Variants in GABRG1 observed in about 807,000 individuals in gnomAD.
GABRG1 encodes gamma-aminobutyric acid type A receptor subunit gamma1.
A neutral mutation model predicts 49.8 loss-of-function variants in GABRG1; 49 were observed. The observed-to-expected ratio is 0.98, with a 90% confidence interval of 0.78 to 1.25. The LOEUF is 1.25. Ranked by LOEUF, GABRG1 falls within the 50% of genes most tolerant of loss-of-function variation. The pLI is 0.00. For synonymous variants in GABRG1, 232 were observed against 185.1 expected (o/e 1.25, Z -2.06); for missense variants, 552 against 552.3 (o/e 1.00, Z 0.01).
At position 46,077,674 on chromosome 4, in the gene GABRG1, C is replaced by T. The variant is rs543426932; in HGVS notation, c.321+6312G>A. Among the ~76,000 whole-genome samples, 271 of 151,926 alleles carry T rather than the reference C, an allele frequency of 1.8e-3. 1 individual carries two copies. Among genetic ancestry groups the T allele is most frequent in the African/African-American group, 6.3e-3 (261 of 41,518 alleles). ...CAGTCTAATTTGCATTTTTAGTCATCTTCCCTGCTAGGTTTTATGTCTTCT... is the reference window on the plus strand; with the variant it reads ...CAGTCTAATTTGCATTTTTAGTCATTTTCCCTGCTAGGTTTTATGTCTTCT... On this transcript the variant is annotated intron_variant, in intron 3 of 8. Coordinates refer to ENST00000295452, the MANE Select transcript of GABRG1 (RefSeq NM_173536.4).
At chr4:46,064,647 T>C (rs1289584383) in intron 4 of GABRG1, 124 bp from the exon 5 acceptor site, 4 of 427,280 alleles carry the variant, frequency 9.4e-6, no homozygotes, top group Admixed American at 8.5e-5. Flanking sequence ...TAGAATATAA[T>C]AATGATTCTA....
intron 3 of GABRG1, among the ~76,000 whole-genome samples, chr4:46,077,669 G>A (rs1406234485): frequency 6.6e-6 from 1 of 151,508 alleles, no homozygotes; most frequent in Non-Finnish European, 1.5e-5. Flanking sequence ...TGCATTTTTA[G>A]TCATCTTCCC....
chr4:46,092,753 GA>G (rs35964805), intron 2 of GABRG1, among the ~76,000 whole-genome samples: 3 of 151,782 alleles, frequency 2.0e-5, no homozygotes, highest in South Asian at 2.1e-4. Flanking sequence ...ACTAAAGTAT[GA>G]AAAAAAGATA....
Position 46,097,192 on chromosome 4 carries a change from C to T in GABRG1, c.253+9G>A. 6.3e-7 allele frequency: 1 copy of T among 1,593,754 alleles called. No individual in the cohort carries two copies. The highest frequency in any genetic ancestry group is 8.5e-7 in the Non-Finnish European group (1 of 1,171,094). ...TCATCAAAATCCCAGAATGGTAACTCAAGCTTACCTCCTATATCTGGACGA... is the reference window on the plus strand; with the variant it reads ...TCATCAAAATCCCAGAATGGTAACTTAAGCTTACCTCCTATATCTGGACGA... On this transcript the variant is annotated intron_variant, in intron 2 of 8. Transcript: ENST00000295452.
intron 7 of GABRG1, among the ~76,000 whole-genome samples, chr4:46,053,154 C>T (rs899131437): frequency 6.6e-6 from 1 of 151,202 alleles, no homozygotes; most frequent in Non-Finnish European, 1.5e-5. Flanking sequence ...TTTTAAATTT[C>T]CAAATATACA....
At chr4:46,088,074 A>T (rs892163994) in intron 2 of GABRG1, among the ~76,000 whole-genome samples, 1 of 152,088 alleles carries the variant, frequency 6.6e-6, no homozygotes, top group African/African-American at 2.4e-5. Flanking sequence ...GTCAATACAG[A>T]ACAACATTTC....
chr4:46,040,792 C>T lies in GABRG1; in HGVS notation c.*196G>A. ...TATTTTAACCTACTGGATTTTGCAACTAATCAGTTTCACGTAAATTAGCCT... is the reference window on the plus strand; with the variant it reads ...TATTTTAACCTACTGGATTTTGCAATTAATCAGTTTCACGTAAATTAGCCT... On this transcript the variant is annotated 3_prime_UTR_variant, in exon 9 of 9. Transcript: ENST00000295452. 2.2e-6 allele frequency: 1 copy of T among 446,424 alleles called. No individual in the cohort carries two copies. The allele number at this position is 446,424 out of a possible 1,614,324, so 27.7% of individuals were successfully genotyped here. A position where few individuals can be genotyped will look rare whatever the true frequency, so the allele number is the denominator to read the frequency against.
chr4:46,076,329 T>G (rs1719323608), intron 3 of GABRG1, among the ~76,000 whole-genome samples: 1 of 140,994 alleles, frequency 7.1e-6, no homozygotes, highest in South Asian at 2.2e-4. Context: ...CATGACAAAA[T>G]ATGAACTACC....
chr4:46,040,893 T>C lies in GABRG1; in HGVS notation c.*95A>G, dbSNP rs578214309. Reference sequence around the variant, plus strand: ...TATTCACATTTTAACCATTGGTCTCTCTGCATTTTAAATTTAAACTTCAAG... The same window carrying C: ...TATTCACATTTTAACCATTGGTCTCCCTGCATTTTAAATTTAAACTTCAAG... On this transcript the variant is annotated 3_prime_UTR_variant, in exon 9 of 9. Coordinates refer to ENST00000295452, the MANE Select transcript of GABRG1 (RefSeq NM_173536.4). 23 of 1,252,782 alleles carry C rather than the reference T, an allele frequency of 1.8e-5. No homozygotes were observed. Among genetic ancestry groups the C allele is most frequent in the Non-Finnish European group, 2.6e-5 (23 of 897,026 alleles). The allele number at this position is 1,252,782 out of a possible 1,614,324, so 77.6% of individuals were successfully genotyped here.
chr4:46,070,382 A>G (rs938848228), intron 3 of GABRG1, among the ~76,000 whole-genome samples: 3 of 152,042 alleles, frequency 2.0e-5, no homozygotes, highest in African/African-American at 4.8e-5. Context: ...CAGTTAAACT[A>G]TATAAAATAG....
intron 3 of GABRG1, among the ~76,000 whole-genome samples, chr4:46,077,627 T>C (rs1458385583): frequency 6.6e-6 from 1 of 151,940 alleles, no homozygotes; most frequent in Admixed American, 6.6e-5. Flanking sequence ...ACAGAATTTT[T>C]TTTGCCTTTT....
chr4:46,079,905 T>G (rs1295105320), intron 3 of GABRG1, among the ~76,000 whole-genome samples: 1 of 151,896 alleles, frequency 6.6e-6, no homozygotes, highest in Non-Finnish European at 1.5e-5. Flanking sequence ...TAAACTCTAG[T>G]AACATGTTCT....
intron 3 of GABRG1, among the ~76,000 whole-genome samples, chr4:46,077,026 G>A (rs370104817): frequency 1.7e-4 from 25 of 150,176 alleles, no homozygotes; most frequent in Non-Finnish European, 3.7e-4. Flanking sequence ...AACATTTAAC[G>A]GATTTCTTAA....
chr4:46,118,285 C>T (rs1429567535), intron 1 of GABRG1, among the ~76,000 whole-genome samples: 1 of 148,922 alleles, frequency 6.7e-6, no homozygotes, highest in Admixed American at 6.8e-5. Context: ...TATCTACCTA[C>T]CTATCTAGAT....
In GABRG1 at chr4:46,035,940, C is replaced by A. The variant is rs1348453662; in HGVS notation, c.*5048G>T. On this transcript the variant is annotated 3_prime_UTR_variant, in exon 9 of 9. Coordinates refer to ENST00000295452, the MANE Select transcript of GABRG1 (RefSeq NM_173536.4). ...TAACAGAAGCCATTATAATCACAAGCCATAAAACTTTATTATACAAAGTGA... is the reference window on the plus strand; with the variant it reads ...TAACAGAAGCCATTATAATCACAAGACATAAAACTTTATTATACAAAGTGA... 6.6e-6 allele frequency: 1 copy of A among 151,772 alleles called. No homozygotes were observed. The highest frequency in any genetic ancestry group is 1.5e-5 in the Non-Finnish European group (1 of 67,866). The allele number at this position is 151,772 out of a possible 1,614,324, so 9.4% of individuals were successfully genotyped here.
rs1717546692 is a variant in GABRG1, at chr4:46,036,789, G to T, written c.*4199C>A. 1 of 151,976 alleles carries T rather than the reference G, an allele frequency of 6.6e-6. No homozygotes were observed. The highest frequency in any genetic ancestry group is 2.4e-5 in the African/African-American group (1 of 41,422). The allele number at this position is 151,976 out of a possible 1,614,324, so 9.4% of individuals were successfully genotyped here. Reference sequence around the variant, plus strand: ...ACACAAATAAGATGAAACTTCTGCAGAAATTTTAATAATGTATCTTTTGTA... The same window carrying T: ...ACACAAATAAGATGAAACTTCTGCATAAATTTTAATAATGTATCTTTTGTA... On this transcript the variant is annotated 3_prime_UTR_variant, in exon 9 of 9. Transcript: ENST00000295452.
chr4:46,047,900 T>C lies in GABRG1; in HGVS notation c.1131+3524A>G, dbSNP rs139734672. On this transcript the variant is annotated intron_variant, in intron 8 of 8. Transcript: ENST00000295452. ...CTGAAAGCAAAGAACACATTCTATC[T>C]CTTTTTTGTCTCCATAATGTCTCGT... Among the ~76,000 whole-genome samples the C allele has an allele frequency of 1.7e-3, 254 of 152,148 alleles. 4 individuals are homozygous for C. In the East Asian group the frequency reaches 0.045, roughly 27 times the overall value.
intron 5 of GABRG1, 104 bp from the exon 6 acceptor site, chr4:46,058,726 T>A: frequency 3.7e-6 from 3 of 801,496 alleles, no homozygotes; most frequent in Non-Finnish European, 5.9e-6. Flanking sequence ...TCTTTTTTTA[T>A]TACAAGATAT....
intron 1 of GABRG1, among the ~76,000 whole-genome samples, chr4:46,115,620 G>GA (rs1720860290): frequency 6.6e-6 from 1 of 150,686 alleles, no homozygotes; most frequent in Non-Finnish European, 1.5e-5. Context: ...TTTGAGATGT[G>GA]AAAAAATGAT....
Sources: allele counts gnomAD v4.1 joint callset (sites outside exome capture counted in the v4.1 genomes callset), GRCh38; gene constraint gnomAD v4.1.1; transcripts MANE v1.5; gene names NCBI Gene and HGNC (gene_info 2026-07-23, HGNC 2026-07-21).